RGS13: variants seen among roughly 807,000 people sequenced by gnomAD.
The protein encoded by RGS13 is regulator of G-protein signalling 13.
A neutral mutation model predicts 19.9 loss-of-function variants in RGS13; 14 were observed. The ratio of observed to expected loss-of-function variants is 0.70; its 90% confidence interval spans 0.46 to 1.10. The LOEUF is 1.10. RGS13 is among the 50% of genes least tolerant of loss of function. The probability of loss-of-function intolerance (pLI) is 0.00; values close to 1 mark genes in which losing one functional copy is unlikely to be tolerated. For synonymous variants in RGS13, 60 were observed against 56.8 expected (o/e 1.06, Z -0.25); for missense variants, 205 against 187.1 (o/e 1.10, Z -0.56).
At chr1:192,651,908 CAT>C (rs1386849028) in intron 5 of RGS13, among the ~76,000 whole-genome samples, 1 of 151,976 alleles carries the variant, frequency 6.6e-6, no homozygotes, top group Non-Finnish European at 1.5e-5. Flanking sequence ...ATGGAAGGCT[CAT>C]TGGTTGACTG....
intron 3 of RGS13, among the ~76,000 whole-genome samples, chr1:192,641,232 GAAAGAAAGAAAGA>G (rs1207236368): frequency 0.028 from 2,373 of 84,880 alleles, 89 homozygotes; most frequent in Admixed American, 0.04. Context: ...GAGAAAGAAA[GAAAGAAAGAAAGA>G]AAAGAAAGAA....
chr1:192,658,019 G>C (rs570866794), intron 5 of RGS13, among the ~76,000 whole-genome samples, 182 bp from the exon 6 acceptor site: 1 of 152,070 alleles, frequency 6.6e-6, no homozygotes, highest in African/African-American at 2.4e-5. Flanking sequence ...GTCAAAGCAC[G>C]CTTCAGATGT....
At chr1:192,657,749 A>C (rs1367531305) in intron 5 of RGS13, among the ~76,000 whole-genome samples, 1 of 152,134 alleles carries the variant, frequency 6.6e-6, no homozygotes, top group East Asian at 1.9e-4. Flanking sequence ...TCACTCTTAC[A>C]TGGCTTGGAT....
intron 4 of RGS13, chr1:192,647,386 T>C (rs570258727): frequency 3.3e-5 from 5 of 152,324 alleles, no homozygotes; most frequent in East Asian, 1.9e-4. Flanking sequence ...AAAATCAATA[T>C]GCTGTTTGAC....
At position 192,659,378 on chromosome 1, in the gene RGS13, A is replaced by C. The variant is rs1663570014; in HGVS notation, c.335A>C (p.Asn112Thr). The change falls in exon 7 of 7, where the codon AAC (asparagine) becomes ACC (threonine). Residue 112 changes from asparagine to threonine, a missense_variant. Physicochemically the swap from Asn to Thr is moderately conservative, Grantham distance 65. Transcript: ENST00000391995. The stretch of plus-strand genomic sequence containing the variant: ...TCGACAAGAGAGACTATCATCAGGA[A>C]CATTCAGGAACCCACTGAAACATGT... The part of the protein sequence containing the change: ...DSSTRETIIR[N>T]IQEPTETCFE... The C allele has an allele frequency of 6.2e-7, 1 of 1,612,948 alleles. No homozygotes were observed. The highest frequency in any genetic ancestry group is 8.5e-7 in the Non-Finnish European group (1 of 1,179,368).
At position 192,642,182 on chromosome 1, in the gene RGS13, C is replaced by T. The variant is rs73060168; in HGVS notation, c.-4-2149C>T. Among the ~76,000 whole-genome samples the T allele has an allele frequency of 9.8e-3, 1,486 of 152,294 alleles. 22 individuals are homozygous for T. The highest frequency in any genetic ancestry group is 0.033 in the African/African-American group (1,384 of 41,564). Reference sequence around the variant, plus strand: ...CTCAACGTGCTCGGCCTCTGCCTAGCATTACAAATTCTCCCACCACTTTCT... The same window carrying T: ...CTCAACGTGCTCGGCCTCTGCCTAGTATTACAAATTCTCCCACCACTTTCT... On this transcript the variant is annotated intron_variant, in intron 3 of 6. Coordinates refer to ENST00000391995, the MANE Select transcript of RGS13 (RefSeq NM_002927.5).
chr1:192,659,407 G>A lies in RGS13; in HGVS notation c.364G>A (p.Glu122Lys), dbSNP rs1663570936. The A allele has an allele frequency of 6.2e-7, 1 of 1,612,942 alleles. No homozygotes were observed. Among genetic ancestry groups the A allele is most frequent in the Non-Finnish European group, 8.5e-7 (1 of 1,179,322 alleles). Reference sequence around the variant, plus strand: ...TCAGGAACCCACTGAAACATGTTTTGAAGAAGCTCAGAAAATAGTCTATAT... The same window carrying A: ...TCAGGAACCCACTGAAACATGTTTTAAAGAAGCTCAGAAAATAGTCTATAT... ...NIQEPTETCF[E>K]EAQKIVYMHM... Residue 122 changes from glutamate (E) to lysine (K), a missense_variant, in exon 7 of 7, where the codon GAA (glutamate) becomes AAA (lysine). Coordinates refer to ENST00000391995, the MANE Select transcript of RGS13 (RefSeq NM_002927.5).
chr1:192,651,163 A>G (rs1309431720), intron 5 of RGS13, among the ~76,000 whole-genome samples: 1 of 152,126 alleles, frequency 6.6e-6, no homozygotes, highest in Non-Finnish European at 1.5e-5. Context: ...TGACGAAAAT[A>G]GTGCATTCTT....
chr1:192,648,869 A>G (rs1663266244), intron 5 of RGS13, among the ~76,000 whole-genome samples: 1 of 151,902 alleles, frequency 6.6e-6, no homozygotes, highest in South Asian at 2.1e-4. Context: ...TGGGCAAGGT[A>G]CCCCCTGTTC....
At chr1:192,644,020 C>T (rs1031564888) in intron 3 of RGS13, among the ~76,000 whole-genome samples, 5 of 152,038 alleles carry the variant, frequency 3.3e-5, no homozygotes, top group South Asian at 2.1e-4. Context: ...AATTCGTTAT[C>T]GGTAAGTTCT....
At chr1:192,641,302 GAA>G (rs778782848) in intron 3 of RGS13, among the ~76,000 whole-genome samples, 2 of 125,214 alleles carry the variant, frequency 1.6e-5, no homozygotes, top group African/African-American at 2.8e-5. Flanking sequence ...AAGAAAGAAA[GAA>G]AGAAAAGAAA....
chr1:192,643,625 C>A (rs1285027684), intron 3 of RGS13, among the ~76,000 whole-genome samples: 1 of 152,108 alleles, frequency 6.6e-6, no homozygotes, highest in Non-Finnish European at 1.5e-5. Flanking sequence ...AAATAAGGCT[C>A]TTTTTTAATA....
intron 3 of RGS13, among the ~76,000 whole-genome samples, chr1:192,641,278 GAAAGAAAGAA>G (rs1454794966): frequency 9.6e-6 from 1 of 103,748 alleles, no homozygotes; most frequent in Admixed American, 1.2e-4. Flanking sequence ...AAGAAAGAAA[GAAAGAAAGAA>G]AGAAAGAAAG....
chr1:192,641,245 AAAAGAAAGAAAAGAAAGAAAG>A (rs1200572847), intron 3 of RGS13, among the ~76,000 whole-genome samples: 12 of 86,138 alleles, frequency 1.4e-4, no homozygotes, highest in African/African-American at 2.7e-4. Flanking sequence ...AGAAAGAAAG[AAAAGAAAGAAAAGAAAGAAAG>A]AAAGAAAGAA....
rs569065761 is a variant in RGS13 at position 192,636,208 on chromosome 1, G to T, written c.-225G>T. 1 of 152,092 alleles carries T rather than the reference G, an allele frequency of 6.6e-6. No individual in the cohort carries two copies. The highest frequency in any genetic ancestry group is 2.4e-5 in the African/African-American group (1 of 41,522). 9.4% of individuals were successfully genotyped at this position (152,092 alleles called of 1,614,324 possible). On this transcript the variant is annotated 5_prime_UTR_variant, in exon 1 of 7. Transcript: ENST00000391995. ...AGACAGTAAAATCCTTTTACTCTGG[G>T]AAAAATAAAATGCTGGGTGTCTCAC...
chr1:192,655,719 T>C, intron 5 of RGS13, among the ~76,000 whole-genome samples: 1 of 152,072 alleles, frequency 6.6e-6, no homozygotes, highest in East Asian at 1.9e-4. Flanking sequence ...ACCATATTTT[T>C]AATAGTATAT....
intron 3 of RGS13, among the ~76,000 whole-genome samples, chr1:192,640,216 A>G (rs1412064085): frequency 1.3e-5 from 2 of 152,126 alleles, no homozygotes; most frequent in East Asian, 3.9e-4. Flanking sequence ...TCATTGTGTA[A>G]CTACATTTTA....
chr1:192,637,500 T>C (rs1392228493), intron 1 of RGS13, 90 bp from the exon 2 acceptor site: 1 of 151,962 alleles, frequency 6.6e-6, no homozygotes, highest in Non-Finnish European at 1.5e-5. Flanking sequence ...TTAAGAGCAT[T>C]TACAGTAATC....
intron 3 of RGS13, among the ~76,000 whole-genome samples, chr1:192,643,611 G>A (rs1255818649): frequency 6.6e-6 from 1 of 152,092 alleles, no homozygotes; most frequent in African/African-American, 2.4e-5. Flanking sequence ...TACTTGTCCA[G>A]TTAAAATAAG....
Sources: gnomAD v4.1 joint callset for allele counts (sites outside exome capture counted in the v4.1 genomes callset) on GRCh38, gnomAD v4.1.1 for gene constraint, MANE v1.5 for transcripts, NCBI Gene and HGNC (gene_info 2026-07-23, HGNC 2026-07-21) for gene names.